Variants in IL7 observed in about 807,000 individuals in gnomAD.
IL7 encodes interleukin-7.
In IL7, 3 loss-of-function variants were observed where a neutral mutation model predicts 21.6. The ratio of observed to expected loss-of-function variants is 0.14; its 90% CI spans 0.06 to 0.36. IL7 has a LOEUF of 0.36. IL7 is among the 10% of genes least tolerant of loss of function. The pLI is 1.00. For synonymous variants in IL7, 62 were observed against 68.1 expected (o/e 0.91, Z 0.44); for missense variants, 175 against 200.2 (o/e 0.87, Z 0.76).
chr8:78,761,993 CCCTCTT>C lies in IL7; in HGVS notation c.148-21917_148-21912del, dbSNP rs1315984300. The C allele has an allele frequency of 5.0e-6, 8 of 1,604,742 alleles. No homozygotes were observed. The Admixed American group carries it at 1.3e-4, about 27-fold the overall frequency. ...TAAAATGTCCTCATCTTGCCCTTCA[CCCTCTT>C]CTTCGCTGGGGTTCTGAGCATTGCT... On this transcript the variant is annotated intron_variant, in intron 2 of 5. Transcript: ENST00000263851.
intron 2 of IL7, chr8:78,761,563 G>A: frequency 8.1e-6 from 13 of 1,611,808 alleles, no homozygotes; most frequent in Non-Finnish European, 1.1e-5. Flanking sequence ...CCTCTCTTAG[G>A]TTATGAGATT....
At chr8:78,681,901 C>CTTTTTTTTTTT (rs56181953) in intron 4 of IL7, among the ~76,000 whole-genome samples, 89 of 126,454 alleles carry the variant, frequency 7.0e-4, no homozygotes, top group African/African-American at 9.9e-4. Flanking sequence ...CTTTTTCTTT[C>CTTTTTTTTTTT]TTTTTTTTTT....
At chr8:78,708,291 C>T (rs1288934438) in intron 3 of IL7, among the ~76,000 whole-genome samples, 1 of 152,150 alleles carries the variant, frequency 6.6e-6, no homozygotes, top group Non-Finnish European at 1.5e-5. Flanking sequence ...TTTAATCAGG[C>T]ATACCAGTGA....
intron 2 of IL7, among the ~76,000 whole-genome samples, chr8:78,740,776 G>T (rs947381345): frequency 3.9e-5 from 6 of 152,112 alleles, no homozygotes; most frequent in Admixed American, 3.9e-4. Context: ...CAATTTTCTG[G>T]GATGGTTGAG....
intron 2 of IL7, among the ~76,000 whole-genome samples, chr8:78,745,671 GC>G (rs1811955676): frequency 6.6e-6 from 1 of 152,152 alleles, no homozygotes; most frequent in Admixed American, 6.6e-5. Flanking sequence ...TTGAAAAGAT[GC>G]TAAAGTAGAG....
intron 1 of IL7, among the ~76,000 whole-genome samples, chr8:78,800,713 A>G (rs762363874): frequency 6.6e-6 from 1 of 152,236 alleles, no homozygotes; most frequent in African/African-American, 2.4e-5. Flanking sequence ...ATGAAATCAT[A>G]CTTTTTATTT....
chr8:78,708,571 G>A (rs908920228), intron 3 of IL7, among the ~76,000 whole-genome samples: 7 of 150,838 alleles, frequency 4.6e-5, no homozygotes, highest in Non-Finnish European at 1.0e-4. Context: ...GTAAAAAAAA[G>A]CAATCAAATC....
intron 3 of IL7, among the ~76,000 whole-genome samples, chr8:78,725,873 A>C (rs1811331529): frequency 6.6e-6 from 1 of 151,988 alleles, no homozygotes; most frequent in Non-Finnish European, 1.5e-5. Context: ...ATAATGTTAG[A>C]TATATGTTCA....
chr8:78,757,856 A>ACCCTC (rs1812403303), intron 2 of IL7, among the ~76,000 whole-genome samples: 1 of 151,904 alleles, frequency 6.6e-6, no homozygotes, highest in South Asian at 2.1e-4. Context: ...TGTGGGAGGG[A>ACCCTC]CCCAGTAGGA....
At chr8:78,761,819 G>T in intron 2 of IL7, 1 of 1,612,004 alleles carries the variant, frequency 6.2e-7, no homozygotes, top group Non-Finnish European at 8.5e-7. Flanking sequence ...CTCCAGTAGT[G>T]CCTGAAAGTT....
At chr8:78,714,829 G>C (rs529540458), downstream of IL7, among the ~76,000 whole-genome samples, 1 of 151,920 alleles carries the variant, frequency 6.6e-6, no homozygotes, top group Non-Finnish European at 1.5e-5. Flanking sequence ...TAACTACATC[G>C]TATATGCCTA....
chr8:78,678,822 A>G (rs2130445113), intron 4 of IL7: 3 of 486,880 alleles, frequency 6.2e-6, no homozygotes, highest in Non-Finnish European at 1.0e-5. Context: ...TCTGTGTTAT[A>G]TGTTCAGTTT....
intron 2 of IL7, among the ~76,000 whole-genome samples, chr8:78,791,354 C>T (rs1246176813): frequency 6.6e-6 from 1 of 152,082 alleles, no homozygotes; most frequent in Non-Finnish European, 1.5e-5. Flanking sequence ...CAGAGTTATA[C>T]TTAGGCCAAG....
intron 4 of IL7, among the ~76,000 whole-genome samples, chr8:78,677,539 A>G (rs770235901): frequency 2.6e-5 from 4 of 152,138 alleles, no homozygotes; most frequent in Admixed American, 6.6e-5. Flanking sequence ...TATTATGTTA[A>G]CTTTAGTAAT....
At chr8:78,691,260 A>T (rs996504895) in intron 3 of IL7, among the ~76,000 whole-genome samples, 1 of 141,488 alleles carries the variant, frequency 7.1e-6, no homozygotes, top group Non-Finnish European at 1.5e-5. Flanking sequence ...TAGTTTTGCC[A>T]GCTTTTAATT....
chr8:78,765,896 A>T (rs546806184), intron 2 of IL7, among the ~76,000 whole-genome samples: 1 of 152,164 alleles, frequency 6.6e-6, no homozygotes, highest in Non-Finnish European at 1.5e-5. Flanking sequence ...AGCTTTATTC[A>T]TAATGACCAA....
intron 2 of IL7, among the ~76,000 whole-genome samples, chr8:78,791,450 GC>G (rs1210501585): frequency 6.6e-6 from 1 of 152,094 alleles, no homozygotes; most frequent in Non-Finnish European, 1.5e-5. Flanking sequence ...GAACAGCCTG[GC>G]CAACATGGCA....
intron 2 of IL7, among the ~76,000 whole-genome samples, chr8:78,757,665 C>A (rs1357592689): frequency 6.6e-6 from 1 of 151,948 alleles, no homozygotes; most frequent in Non-Finnish European, 1.5e-5. Flanking sequence ...TTGTTATGTT[C>A]TTTGACTTTA....
At chr8:78,684,024 T>C (rs192599102) in intron 4 of IL7, among the ~76,000 whole-genome samples, 29 of 152,320 alleles carry the variant, frequency 1.9e-4, no homozygotes, top group Non-Finnish European at 4.0e-4. Context: ...AGCATTTTGG[T>C]CAAAACCATT....
Sources: allele counts gnomAD v4.1 joint callset (sites outside exome capture counted in the v4.1 genomes callset), GRCh38; gene constraint gnomAD v4.1.1; transcripts MANE v1.5; gene names NCBI Gene and HGNC (gene_info 2026-07-23, HGNC 2026-07-21).